CSMD3: variants seen among roughly 807,000 people sequenced by gnomAD.
CSMD3 encodes CUB and Sushi multiple domains 3.
A neutral mutation model predicts 435.2 loss-of-function variants in CSMD3; 177 were observed. The ratio of observed to expected loss-of-function variants is 0.41; its 90% CI spans 0.36 to 0.46. The LOEUF (loss-of-function observed/expected upper bound fraction) is 0.46, where lower values mean the gene tolerates loss of function less well. CSMD3 is among the 20% of genes least tolerant of loss of function. CSMD3 has a pLI of 0.34. For synonymous variants in CSMD3, 1,656 were observed against 1,520.5 expected, an observed-to-expected ratio of 1.09 and a Z score of -2.07; for missense variants, 4,265 against 4,504.6, an observed-to-expected ratio of 0.95 and a Z score of 1.52.
chr8:113,077,439 C>T (rs894402747), intron 5 of CSMD3, among the ~76,000 whole-genome samples: 14 of 152,064 alleles, frequency 9.2e-5, no homozygotes, highest in Non-Finnish European at 2.9e-5. Context: ...CAGTGGCTCA[C>T]GCCTGTAATC....
intron 4 of CSMD3, among the ~76,000 whole-genome samples, chr8:113,105,711 T>C (rs1034243296): frequency 2.6e-5 from 4 of 152,086 alleles, no homozygotes; most frequent in Non-Finnish European, 5.9e-5. Context: ...TGCCTAGAGT[T>C]AAGGCCACTT....
intron 4 of CSMD3, among the ~76,000 whole-genome samples, chr8:113,108,129 T>C (rs1039797230): frequency 1.3e-5 from 2 of 152,070 alleles, no homozygotes; most frequent in African/African-American, 2.4e-5. Flanking sequence ...GCTAAATACA[T>C]TTTAAGAACA....
At chr8:113,036,446 C>T (rs2087355621) in intron 5 of CSMD3, among the ~76,000 whole-genome samples, 1 of 151,990 alleles carries the variant, frequency 6.6e-6, no homozygotes, top group South Asian at 2.1e-4. Flanking sequence ...GTTTACTCAA[C>T]AGTAGACATG....
At chr8:112,273,882 A>G (rs11784683) in intron 59 of CSMD3, among the ~76,000 whole-genome samples, 31,525 of 150,654 alleles carry the variant, frequency 0.21, 3,735 homozygotes, top group East Asian at 0.36. Context: ...AGATAAACAG[A>G]CCCAGTCATT....
At chr8:112,422,034 G>A (rs1812571553) in intron 32 of CSMD3, among the ~76,000 whole-genome samples, 1 of 152,062 alleles carries the variant, frequency 6.6e-6, no homozygotes, top group Admixed American at 6.6e-5. Flanking sequence ...CATAGAATAT[G>A]AATTTATCTT....
chr8:112,379,379 G>T (rs1029398543), intron 38 of CSMD3, among the ~76,000 whole-genome samples: 1 of 152,146 alleles, frequency 6.6e-6, no homozygotes, highest in African/African-American at 2.4e-5. Context: ...TGAGGCAAAA[G>T]AATCGCTTGA....
At chr8:112,641,914 G>A (rs557606470) in intron 20 of CSMD3, among the ~76,000 whole-genome samples, 5 of 152,178 alleles carry the variant, frequency 3.3e-5, no homozygotes, top group African/African-American at 9.6e-5. Flanking sequence ...AAAGTGAGAA[G>A]TTTGTGATGG....
Position 112,318,703 on chromosome 8 carries a change from G to A in CSMD3, c.7360+134C>T, listed in dbSNP as rs117286694. The A allele has an allele frequency of 5.8e-3, 3,754 of 652,452 alleles. 95 individuals carry two copies. The East Asian group carries it at 0.067, about 12-fold the overall frequency. The allele number at this position is 652,452 out of a possible 1,614,324, so 40.4% of individuals were successfully genotyped here. On this transcript the variant is annotated intron_variant, in intron 47 of 70. Transcript: ENST00000297405. ...TATTTCTAAATGAAATAGCACATAT[G>A]AGTTATAAAATGTATAGCATTGTTT... is the stretch of plus-strand genomic sequence containing the variant.
intron 59 of CSMD3, among the ~76,000 whole-genome samples, chr8:112,276,949 C>A (rs1818112745): frequency 6.6e-6 from 1 of 151,958 alleles, no homozygotes; most frequent in African/African-American, 2.4e-5. Context: ...AGCAGGAAGG[C>A]CCTGGGTTTG....
chr8:112,441,590 T>TAATTAAC (rs1815027199), intron 32 of CSMD3, among the ~76,000 whole-genome samples: 1 of 152,202 alleles, frequency 6.6e-6, no homozygotes, highest in Non-Finnish European at 1.5e-5. Flanking sequence ...AAACACTGGG[T>TAATTAAC]AATTTACAAA....
chr8:113,385,857 G>A (rs2094437000), intron 1 of CSMD3, among the ~76,000 whole-genome samples: 4 of 151,842 alleles, frequency 2.6e-5, no homozygotes, highest in Admixed American at 2.6e-4. Flanking sequence ...ATCACATTGT[G>A]GTTTTAATTT....
At chr8:112,383,690 A>G in intron 36 of CSMD3, 27 bp from the exon 37 acceptor site, 1 of 1,355,394 alleles carries the variant, frequency 7.4e-7, no homozygotes, top group Non-Finnish European at 1.1e-6. Context: ...ACAGGTAAGA[A>G]TACACATTTC....
At chr8:112,910,068 T>C (rs2082365547) in intron 10 of CSMD3, among the ~76,000 whole-genome samples, 1 of 151,792 alleles carries the variant, frequency 6.6e-6, no homozygotes, top group South Asian at 2.1e-4. Context: ...CATTTTAAGT[T>C]GTTTTCGGGA....
At chr8:112,453,768 A>T (rs1388438958) in intron 32 of CSMD3, among the ~76,000 whole-genome samples, 1 of 152,184 alleles carries the variant, frequency 6.6e-6, no homozygotes, top group Non-Finnish European at 1.5e-5. Context: ...ATATTCTAAA[A>T]TTCATACGAA....
intron 3 of CSMD3, among the ~76,000 whole-genome samples, chr8:113,271,266 T>C (rs2093523379): frequency 6.6e-6 from 1 of 152,174 alleles, no homozygotes; most frequent in Non-Finnish European, 1.5e-5. Flanking sequence ...AGGCACTTAA[T>C]GTTAATCCCC....
intron 32 of CSMD3, among the ~76,000 whole-genome samples, chr8:112,410,666 A>G (rs1244214959): frequency 1.4e-4 from 17 of 118,602 alleles, no homozygotes; most frequent in Middle Eastern, 4.5e-3. Flanking sequence ...ATATATGTAT[A>G]TATATATGTG....
At chr8:112,474,406 T>G (rs1818838431) in intron 31 of CSMD3, among the ~76,000 whole-genome samples, 2 of 152,068 alleles carry the variant, frequency 1.3e-5, no homozygotes, top group Admixed American at 6.6e-5. Flanking sequence ...TGGAGGGGAA[T>G]GTATAAAGTA....
chr8:112,344,036 C>A (rs931991080), intron 41 of CSMD3, among the ~76,000 whole-genome samples: 1 of 152,200 alleles, frequency 6.6e-6, no homozygotes, highest in African/African-American at 2.4e-5. Context: ...GTGCGTGCCA[C>A]CATGCCTGGC....
rs1819760276 is a variant in CSMD3 at position 112,291,500 on chromosome 8, A to T, written c.8974+10T>A. ...ATGTTCTCAAGAAACAATTCACATTATCTACTTACTGATACATTCTGGTAA... is the reference window on the plus strand; with the variant it reads ...ATGTTCTCAAGAAACAATTCACATTTTCTACTTACTGATACATTCTGGTAA... On this transcript the variant is annotated intron_variant, in intron 56 of 70. Coordinates refer to ENST00000297405, the MANE Select transcript of CSMD3 (RefSeq NM_198123.2). 1 of 1,569,962 alleles carries T rather than the reference A, an allele frequency of 6.4e-7. No homozygotes were observed. The highest frequency in any genetic ancestry group is 8.8e-7 in the Non-Finnish European group (1 of 1,140,840).
Sources: gnomAD v4.1 joint callset for allele counts (sites outside exome capture counted in the v4.1 genomes callset) on GRCh38, gnomAD v4.1.1 for gene constraint, MANE v1.5 for transcripts, NCBI Gene and HGNC (gene_info 2026-07-23, HGNC 2026-07-21) for gene names.